Variants in CENPP observed in about 807,000 individuals in gnomAD.
CENPP encodes the protein centromere protein P.
In CENPP, 24 loss-of-function variants were observed where a neutral mutation model predicts 35.6. The ratio of observed to expected loss-of-function variants is 0.67; its 90% CI spans 0.49 to 0.95. CENPP has a LOEUF of 0.95. Ranked by LOEUF, CENPP falls within the 40% of genes least tolerant of loss-of-function variation. The pLI, the probability that CENPP is intolerant of heterozygous loss-of-function variation, is 0.00. For synonymous variants in CENPP, 120 were observed against 125.5 expected, an observed-to-expected ratio of 0.96 and a Z score of 0.29; for missense variants, 332 against 345.3, an observed-to-expected ratio of 0.96 and a Z score of 0.31.
chr9:92,352,505 G>GTGTGTGTATATATATATATATATATATA, intron 4 of CENPP, among the ~76,000 whole-genome samples: 5 of 49,782 alleles, frequency 1.0e-4, no homozygotes, highest in African/African-American at 5.4e-4. Context: ...GTGTGTGTGT[G>GTGTGTGTATATATATATATATATATATA]TATACATATA....
intron 1 of CENPP, 41 bp downstream of exon 1, chr9:92,326,146 G>C (rs1840486559): frequency 7.4e-7 from 1 of 1,350,964 alleles, no homozygotes; most frequent in African/African-American, 1.5e-5. Flanking sequence ...CGCTGGCCAG[G>C]GTTCCCGGGC....
At position 92,476,511 on chromosome 9, in the gene CENPP, A is replaced by G. The variant is rs1239051047; in HGVS notation, c.564+96652A>G. On this transcript the variant is annotated intron_variant, in intron 5 of 7. Coordinates refer to ENST00000375587, the MANE Select transcript of CENPP (RefSeq NM_001012267.3). This position sits in a 1 kb window ranked among gnomAD's most constrained non-coding sequence, Gnocchi z 4.1. ...TCCAAAAATCTAAATGGTGGCATGA[A>G]CATTTGCCCACTGGGTAGCTGGATG... Among the ~76,000 whole-genome samples the G allele has an allele frequency of 6.6e-6, 1 of 152,184 alleles. No homozygotes were observed. The highest frequency in any genetic ancestry group is 2.4e-5 in the African/African-American group (1 of 41,438).
intron 5 of CENPP, among the ~76,000 whole-genome samples, chr9:92,403,017 A>G (rs1202220866): frequency 4.6e-5 from 7 of 152,160 alleles, no homozygotes; most frequent in Admixed American, 3.3e-4. Context: ...TTTGGTTACT[A>G]TAGATACTGT....
In CENPP at chr9:92,551,979, GTGT is replaced by G. The variant is rs1182788757; in HGVS notation, c.565-59334_565-59332del. Among the ~76,000 whole-genome samples, 7 of 54,792 alleles carry G rather than the reference GTGT, an allele frequency of 1.3e-4. 1 individual carries two copies. The highest frequency in any genetic ancestry group is 1.1e-3 in the African/African-American group (5 of 4,476). 35.9% of individuals were successfully genotyped at this position (54,792 alleles called of 152,430 possible). On this transcript the variant is annotated intron_variant, in intron 5 of 7. Coordinates refer to ENST00000375587, the MANE Select transcript of CENPP (RefSeq NM_001012267.3). The stretch of plus-strand genomic sequence containing the variant: ...ATATATATATGTGTGATATATATGT[GTGT>G]GTATATATGTGATATATATGTGTAT...
At chr9:92,404,057 A>G (rs1332176007) in intron 5 of CENPP, among the ~76,000 whole-genome samples, 1 of 152,234 alleles carries the variant, frequency 6.6e-6, no homozygotes, top group Non-Finnish European at 1.5e-5. Flanking sequence ...AATTTAAGCT[A>G]AGAAAACTGA....
chr9:92,335,056 C>T (rs1840881883), intron 2 of CENPP, among the ~76,000 whole-genome samples: 1 of 146,882 alleles, frequency 6.8e-6, no homozygotes, highest in Non-Finnish European at 1.5e-5. Context: ...CGTGGTGGGG[C>T]ATGCCTGTAG....
chr9:92,613,192 G>A lies in CENPP; in HGVS notation c.*43G>A, dbSNP rs373734749. ...TGGAGGATGAAGATGCTGCGTGGAG[G>A]AACATGCAATTTTATTCAATATAAA... On this transcript the variant is annotated 3_prime_UTR_variant, in exon 8 of 8. Transcript: ENST00000375587. 490 of 1,611,352 alleles carry A rather than the reference G, an allele frequency of 3.0e-4. 1 individual carries two copies. The highest frequency in any genetic ancestry group is 4.0e-4 in the Non-Finnish European group (473 of 1,177,880).
intron 5 of CENPP, among the ~76,000 whole-genome samples, chr9:92,426,876 T>G (rs1843981312): frequency 6.6e-6 from 1 of 152,200 alleles, no homozygotes; most frequent in South Asian, 2.1e-4. Context: ...TAGACCTCCT[T>G]GCTCTGTTGG....
At chr9:92,548,724 G>T (rs1386187738) in intron 5 of CENPP, among the ~76,000 whole-genome samples, 4 of 152,190 alleles carry the variant, frequency 2.6e-5, no homozygotes, top group African/African-American at 9.7e-5. Flanking sequence ...AATTTTGAGA[G>T]AAGTTAAAGC....
chr9:92,444,281 T>C (rs1844495249), intron 5 of CENPP, among the ~76,000 whole-genome samples: 1 of 152,186 alleles, frequency 6.6e-6, no homozygotes, highest in Non-Finnish European at 1.5e-5. Context: ...GATGCTATCT[T>C]TTCATGTGTT....
intron 5 of CENPP, among the ~76,000 whole-genome samples, chr9:92,427,869 T>C (rs899410189): frequency 6.6e-6 from 1 of 152,206 alleles, no homozygotes; most frequent in African/African-American, 2.4e-5. Flanking sequence ...GCAAGCCAAG[T>C]TGGTATCAGA....
chr9:92,367,720 C>T (rs1178416502), intron 4 of CENPP, among the ~76,000 whole-genome samples: 3 of 152,024 alleles, frequency 2.0e-5, no homozygotes, highest in African/African-American at 7.2e-5. Context: ...TGGGTTCAAG[C>T]GATTCTTCTG....
chr9:92,551,575 G>A (rs1409479457), intron 5 of CENPP, among the ~76,000 whole-genome samples: 1 of 151,914 alleles, frequency 6.6e-6, no homozygotes, highest in Non-Finnish European at 1.5e-5. Context: ...TTGGTTACAT[G>A]AGTAAGTTGT....
At chr9:92,522,678 T>C in intron 5 of CENPP, 1 of 1,614,160 alleles carries the variant, frequency 6.2e-7, no homozygotes, top group South Asian at 1.1e-5. Flanking sequence ...GTCTTGCTAC[T>C]GGTGTAAAAA....
intron 5 of CENPP, among the ~76,000 whole-genome samples, chr9:92,465,429 A>T (rs1845268968): frequency 6.6e-6 from 1 of 152,204 alleles, no homozygotes. Context: ...TTTAAATTGT[A>T]AGTCAATTAG....
chr9:92,578,266 G>A (rs1850333388), intron 5 of CENPP, among the ~76,000 whole-genome samples: 1 of 152,048 alleles, frequency 6.6e-6, no homozygotes, highest in Admixed American at 6.5e-5. Flanking sequence ...ACATACGTGT[G>A]CATGTGTCTT....
At chr9:92,337,864 G>A (rs550993371) in intron 3 of CENPP, among the ~76,000 whole-genome samples, 1 of 152,342 alleles carries the variant, frequency 6.6e-6, no homozygotes, top group South Asian at 2.1e-4. Context: ...TGAAGGACAG[G>A]TAGCAAGATG....
intron 5 of CENPP, among the ~76,000 whole-genome samples, chr9:92,538,029 C>G (rs1220168070): frequency 6.6e-6 from 1 of 152,104 alleles, no homozygotes; most frequent in African/African-American, 2.4e-5. Context: ...AAACTCTCCT[C>G]TTCCTTGAGG....
At chr9:92,452,477 G>A (rs568728365) in intron 5 of CENPP, among the ~76,000 whole-genome samples, 416 of 152,298 alleles carry the variant, frequency 2.7e-3, no homozygotes, top group Non-Finnish European at 4.6e-3. Flanking sequence ...TAAGCTTTTT[G>A]ATGTGCTGCT....
Sources: gnomAD v4.1 joint callset for allele counts (sites outside exome capture counted in the v4.1 genomes callset) on GRCh38, gnomAD v4.1.1 for gene constraint, Gnocchi (gnomAD v3.1) non-coding constraint, MANE v1.5 for transcripts, NCBI Gene and HGNC (gene_info 2026-07-23, HGNC 2026-07-21) for gene names.